The following ST3GAL1 variants were observed in gnomAD, a reference collection of about 807,000 sequenced individuals.
The protein encoded by ST3GAL1 is CMP-N-acetylneuraminate-beta-galactosamide-alpha-2,3-sialyltransferase 1.
Under a neutral mutation model 34.1 loss-of-function variants are expected in ST3GAL1, and 16 were observed. The ratio of observed to expected loss-of-function variants is 0.47; its 90% CI spans 0.32 to 0.71. The LOEUF (loss-of-function observed/expected upper bound fraction) is 0.71. ST3GAL1 is among the 30% of genes least tolerant of loss of function. ST3GAL1 has a pLI of 0.04. For missense variants in ST3GAL1, 353 were observed against 447.4 expected, an observed-to-expected ratio of 0.79 and a Z score of 1.90; for synonymous variants, 191 against 184.7, an observed-to-expected ratio of 1.03 and a Z score of -0.28.
intron 1 of ST3GAL1, among the ~76,000 whole-genome samples, chr8:133,552,195 T>C (rs866531160): frequency 2.9e-4 from 44 of 152,196 alleles, no homozygotes; most frequent in African/African-American, 9.7e-4. Flanking sequence ...CACCACTCTG[T>C]GTCCAGGGCA....
intron 3 of ST3GAL1, among the ~76,000 whole-genome samples, chr8:133,483,043 T>C (rs1300011707): frequency 6.6e-6 from 1 of 152,072 alleles, no homozygotes; most frequent in Non-Finnish European, 1.5e-5. Flanking sequence ...CAAAATAGGA[T>C]TAAAAATGCT....
chr8:133,483,198 C>T (rs750366519), intron 3 of ST3GAL1, among the ~76,000 whole-genome samples: 5 of 152,090 alleles, frequency 3.3e-5, no homozygotes, highest in Admixed American at 1.3e-4. Flanking sequence ...AAAAATTAGC[C>T]GGGTGTGGTG....
intron 1 of ST3GAL1, among the ~76,000 whole-genome samples, chr8:133,547,279 T>C (rs1818698955): frequency 2.0e-5 from 3 of 149,292 alleles, no homozygotes; most frequent in Middle Eastern, 3.4e-3. Context: ...GAATCATTCT[T>C]TTTTTTTTTG....
Position 133,464,770 on chromosome 8 carries a change from G to A in ST3GAL1, c.683+8C>T, listed in dbSNP as rs115758847. 69 of 1,609,418 alleles carry A rather than the reference G, an allele frequency of 4.3e-5. No homozygotes were observed. Among genetic ancestry groups the A allele is most frequent in the Admixed American group, 8.4e-5 (5 of 59,820 alleles). ...GAGCAGCGAGGCGGGGCCACAGGAG[G>A]GACTCACTGGGAAATGGTGCCCGTG... On this transcript the variant is annotated splice_region_variant and intron_variant, in intron 7 of 9. Transcript: ENST00000522652.
At chr8:133,517,567 C>A (rs1817684113) in intron 2 of ST3GAL1, among the ~76,000 whole-genome samples, 1 of 152,208 alleles carries the variant, frequency 6.6e-6, no homozygotes, top group African/African-American at 2.4e-5. Context: ...TCAGGCTGGT[C>A]TTGAACTCCT....
rs1197992431 is a variant in ST3GAL1 at position 133,520,957 on chromosome 8, GT to G, written c.-428-21769del. Among the ~76,000 whole-genome samples the G allele has an allele frequency of 5.9e-3, 526 of 89,046 alleles. 6 individuals carry two copies. The highest frequency in any genetic ancestry group is 0.022 in the African/African-American group (468 of 21,226). The allele number at this position is 89,046 out of a possible 152,430, so 58.4% of individuals were successfully genotyped here. A position where few individuals can be genotyped will look rare whatever the true frequency, so the allele number is the denominator to read the frequency against. On this transcript the variant is annotated intron_variant, in intron 2 of 9. Coordinates refer to ENST00000522652, the MANE Select transcript of ST3GAL1 (RefSeq NM_173344.3). ...CAGCTAATTTTTGTTTTTGTGGGTT[GT>G]TTTTTTTTTTTTTTGAGACAGTCTT... is the stretch of plus-strand genomic sequence containing the variant.
chr8:133,570,810 C>T lies in ST3GAL1; in HGVS notation c.-582+883G>A, dbSNP rs1286457848. On this transcript the variant is annotated intron_variant, in intron 1 of 9. Coordinates refer to ENST00000522652, the MANE Select transcript of ST3GAL1 (RefSeq NM_173344.3). The surrounding 1 kb of genome is among the most constrained non-coding windows in gnomAD (Gnocchi z 5.6). ...GCCCCAGGGTCACCGCTGTCCGTCC[C>T]CGTGCGCTCCCAGAAGGGGTGGCCC... 6.6e-6 allele frequency among the ~76,000 whole-genome samples: 1 copy of T among 152,236 alleles called. No homozygotes were observed. Among genetic ancestry groups the T allele is most frequent in the African/African-American group, 2.4e-5 (1 of 41,462 alleles).
intron 2 of ST3GAL1, among the ~76,000 whole-genome samples, chr8:133,521,390 T>C (rs1420738001): frequency 6.6e-6 from 1 of 151,044 alleles, no homozygotes; most frequent in African/African-American, 2.4e-5. Flanking sequence ...CCTCCATCTC[T>C]TGGGTTCAAG....
intron 2 of ST3GAL1, among the ~76,000 whole-genome samples, chr8:133,533,510 C>T (rs912608531): frequency 6.6e-6 from 1 of 152,220 alleles, no homozygotes; most frequent in Non-Finnish European, 1.5e-5. Flanking sequence ...GCGAGTTCCT[C>T]TGTCTGAACT....
At chr8:133,531,424 T>C (rs534616110) in intron 2 of ST3GAL1, among the ~76,000 whole-genome samples, 5 of 152,186 alleles carry the variant, frequency 3.3e-5, no homozygotes, top group African/African-American at 1.2e-4. Flanking sequence ...TATTAACTAA[T>C]GTAACTCTTA....
At chr8:133,501,995 C>T (rs567288001) in intron 2 of ST3GAL1, among the ~76,000 whole-genome samples, 4 of 152,166 alleles carry the variant, frequency 2.6e-5, no homozygotes, top group African/African-American at 9.7e-5. Context: ...TCAAACCCTG[C>T]GTGCCTTCTG....
intron 2 of ST3GAL1, among the ~76,000 whole-genome samples, chr8:133,528,914 C>A (rs1818060440): frequency 6.6e-6 from 1 of 152,190 alleles, no homozygotes; most frequent in Non-Finnish European, 1.5e-5. Context: ...ATGGTCCTTC[C>A]CATGAGTTAG....
At chr8:133,536,773 C>T (rs551279966) in intron 2 of ST3GAL1, among the ~76,000 whole-genome samples, 259 of 152,310 alleles carry the variant, frequency 1.7e-3, no homozygotes, top group Middle Eastern at 0.01. Flanking sequence ...TCATTTGAGT[C>T]CTCACAGAAC....
intron 2 of ST3GAL1, among the ~76,000 whole-genome samples, chr8:133,530,669 G>A (rs1489209326): frequency 6.6e-6 from 1 of 152,146 alleles, no homozygotes; most frequent in Non-Finnish European, 1.5e-5. Flanking sequence ...ACCTATGAGA[G>A]TTTTCAAAGG....
At chr8:133,464,749 AGCGAG>A in intron 7 of ST3GAL1, 24 bp downstream of exon 7, 1 of 1,598,154 alleles carries the variant, frequency 6.3e-7, no homozygotes, top group Non-Finnish European at 8.5e-7. Flanking sequence ...GGGGCAGAGC[AGCGAG>A]GCGGGGCCAC....
At chr8:133,533,764 A>G (rs1352760093) in intron 2 of ST3GAL1, among the ~76,000 whole-genome samples, 1 of 152,222 alleles carries the variant, frequency 6.6e-6, no homozygotes, top group African/African-American at 2.4e-5. Flanking sequence ...AACAGGTGGC[A>G]AGAACCTTCA....
At chr8:133,503,575 C>T (rs1004742499) in intron 2 of ST3GAL1, among the ~76,000 whole-genome samples, 3 of 151,704 alleles carry the variant, frequency 2.0e-5, no homozygotes, top group African/African-American at 7.3e-5. Flanking sequence ...CCTAGCTGGG[C>T]CAATTGTTCT....
chr8:133,554,974 G>A (rs1425123093), intron 1 of ST3GAL1, among the ~76,000 whole-genome samples: 1 of 152,010 alleles, frequency 6.6e-6, no homozygotes, highest in East Asian at 1.9e-4. Context: ...TGATCTGCCA[G>A]CCACGGCCTC....
intron 1 of ST3GAL1, among the ~76,000 whole-genome samples, chr8:133,546,829 T>C (rs1818686483): frequency 6.6e-6 from 1 of 151,944 alleles, no homozygotes; most frequent in Non-Finnish European, 1.5e-5. Flanking sequence ...TGAAATCTCA[T>C]CTCTACTAAA....
Sources: allele counts gnomAD v4.1 joint callset (sites outside exome capture counted in the v4.1 genomes callset), GRCh38; gene constraint gnomAD v4.1.1; non-coding constraint Gnocchi (gnomAD v3.1); transcripts MANE v1.5; gene names NCBI Gene and HGNC (gene_info 2026-07-23, HGNC 2026-07-21).